Variants in GRM8 observed in about 807,000 individuals in gnomAD.
GRM8 encodes the protein metabotropic glutamate receptor 8.
GRM8 carries 47 observed loss-of-function variants against 87.2 expected under a neutral mutation model. The observed-to-expected ratio is 0.54, with a 90% CI of 0.43 to 0.69. The LOEUF (loss-of-function observed/expected upper bound fraction) is 0.69. Among genes scored for constraint, GRM8 ranks in the 30% least tolerant of loss-of-function variants. The pLI, the probability that GRM8 is intolerant of heterozygous loss-of-function variation, is 0.00. For missense variants in GRM8, 1,019 were observed against 1,139.2 expected, an observed-to-expected ratio of 0.89 and a Z score of 1.52; for synonymous variants, 396 against 404.5, an observed-to-expected ratio of 0.98 and a Z score of 0.25.
rs938575283 is a variant in GRM8, at chr7:127,009,073, GT to G, written c.727+97422del. ...AGTGACAGGGGAAACCAATGATCCA[GT>G]TTTTTTTTTTTCCATCCCTGCACAA... On this transcript the variant is annotated intron_variant, in intron 3 of 10. Transcript: ENST00000339582. Among the ~76,000 whole-genome samples the G allele has an allele frequency of 7.1e-3, 1,027 of 145,490 alleles. 8 individuals carry two copies. Among genetic ancestry groups the G allele is most frequent in the African/African-American group, 0.022 (882 of 40,002 alleles).
At chr7:126,439,947 AT>A (rs972908340) in intron 10 of GRM8, among the ~76,000 whole-genome samples, 3 of 152,004 alleles carry the variant, frequency 2.0e-5, no homozygotes, top group African/African-American at 7.2e-5. Flanking sequence ...TAAAGAAAAT[AT>A]TTTTTATAGC....
chr7:126,601,448 G>T (rs1043349746), intron 8 of GRM8, among the ~76,000 whole-genome samples: 3 of 152,150 alleles, frequency 2.0e-5, no homozygotes, highest in Non-Finnish European at 4.4e-5. Flanking sequence ...TATATACCCA[G>T]TAATGGGATG....
chr7:126,741,805 A>T (rs1815037731), intron 7 of GRM8, among the ~76,000 whole-genome samples: 1 of 152,144 alleles, frequency 6.6e-6, no homozygotes, highest in South Asian at 2.1e-4. Flanking sequence ...GTACAGCATG[A>T]TGTTTAAGAG....
intron 6 of GRM8, among the ~76,000 whole-genome samples, chr7:126,841,625 GATT>G (rs1393579824): frequency 6.6e-6 from 1 of 151,370 alleles, no homozygotes; most frequent in Non-Finnish European, 1.5e-5. Context: ...TTATTTATTG[GATT>G]ATTATTTTTT....
intron 3 of GRM8, among the ~76,000 whole-genome samples, chr7:126,908,066 T>C (rs558505184): frequency 3.9e-5 from 6 of 152,150 alleles, no homozygotes; most frequent in Non-Finnish European, 7.3e-5. Context: ...TGATTTTGAT[T>C]GGAAGCAGGT....
intron 2 of GRM8, among the ~76,000 whole-genome samples, chr7:127,234,147 G>A (rs1797851025): frequency 6.6e-6 from 1 of 152,208 alleles, no homozygotes; most frequent in Non-Finnish European, 1.5e-5. Flanking sequence ...ATGGAAATCA[G>A]GAGGTAGCTG....
At chr7:126,737,459 A>G (rs1432663480) in intron 7 of GRM8, among the ~76,000 whole-genome samples, 1 of 151,888 alleles carries the variant, frequency 6.6e-6, no homozygotes, top group Admixed American at 6.6e-5. Context: ...GGTGGTAATA[A>G]AACTCCAGTC....
chr7:126,912,243 G>T (rs117331768), intron 3 of GRM8, among the ~76,000 whole-genome samples: 1,683 of 152,020 alleles, frequency 0.011, 16 homozygotes, highest in East Asian at 0.042. Flanking sequence ...ATAGAGAAAA[G>T]ATTAGCACTT....
At chr7:126,699,334 C>T (rs775363186) in intron 7 of GRM8, among the ~76,000 whole-genome samples, 5 of 152,094 alleles carry the variant, frequency 3.3e-5, no homozygotes, top group Admixed American at 6.6e-5. Context: ...GAAGTGAATT[C>T]GACAAAAATA....
At chr7:127,022,494 G>A (rs1816374898) in intron 3 of GRM8, among the ~76,000 whole-genome samples, 1 of 152,108 alleles carries the variant, frequency 6.6e-6, no homozygotes, top group South Asian at 2.1e-4. Flanking sequence ...CCTGACAGGG[G>A]AAGAGAGATG....
intron 6 of GRM8, among the ~76,000 whole-genome samples, chr7:126,792,953 C>T (rs1310133451): frequency 6.6e-6 from 1 of 152,136 alleles, no homozygotes; most frequent in Non-Finnish European, 1.5e-5. Context: ...TACTGAAGTC[C>T]ACTGTAAAGA....
chr7:126,879,136 C>A (rs1469457222), intron 6 of GRM8, among the ~76,000 whole-genome samples: 1 of 127,492 alleles, frequency 7.8e-6, no homozygotes, highest in East Asian at 2.6e-4. Context: ...GCACTCCAGC[C>A]TGGGCCACAG....
intron 3 of GRM8, among the ~76,000 whole-genome samples, chr7:126,937,809 A>T (rs536502400): frequency 6.6e-6 from 1 of 152,306 alleles, no homozygotes; most frequent in African/African-American, 2.4e-5. Flanking sequence ...CCACCCTGAT[A>T]GAGAGGCCTA....
chr7:127,113,072 A>G (rs1587057019), intron 2 of GRM8, among the ~76,000 whole-genome samples: 1 of 152,320 alleles, frequency 6.6e-6, no homozygotes, highest in East Asian at 1.9e-4. Flanking sequence ...GATGAAATAA[A>G]GGGTCTCTGA....
At chr7:126,489,585 T>C (rs1479905694) in intron 9 of GRM8, among the ~76,000 whole-genome samples, 1 of 152,104 alleles carries the variant, frequency 6.6e-6, no homozygotes, top group Non-Finnish European at 1.5e-5. Flanking sequence ...TACAGATTTA[T>C]ACAGGATACC....
intron 8 of GRM8, among the ~76,000 whole-genome samples, chr7:126,600,262 A>G (rs1797603649): frequency 6.6e-6 from 1 of 152,150 alleles, no homozygotes; most frequent in Non-Finnish European, 1.5e-5. Context: ...CTTGGACAAC[A>G]TGGGTTTGGA....
At chr7:126,961,720 G>A (rs1471118814) in intron 3 of GRM8, among the ~76,000 whole-genome samples, 1 of 151,782 alleles carries the variant, frequency 6.6e-6, no homozygotes, top group Non-Finnish European at 1.5e-5. Context: ...GGAGCCTGAA[G>A]GAAAGCACTT....
chr7:126,557,877 A>G (rs1373083763), intron 8 of GRM8, among the ~76,000 whole-genome samples: 1 of 152,198 alleles, frequency 6.6e-6, no homozygotes, highest in African/African-American at 2.4e-5. Context: ...GGTGAATACC[A>G]AAAAGTAATA....
chr7:126,972,531 T>C (rs1197554273), intron 3 of GRM8, among the ~76,000 whole-genome samples: 2 of 152,186 alleles, frequency 1.3e-5, no homozygotes, highest in African/African-American at 4.8e-5. Context: ...AGGTTCTTTA[T>C]TTTTTCAACT....
Sources: gnomAD v4.1 joint callset for allele counts (sites outside exome capture counted in the v4.1 genomes callset) on GRCh38, gnomAD v4.1.1 for gene constraint, MANE v1.5 for transcripts, NCBI Gene and HGNC (gene_info 2026-07-23, HGNC 2026-07-21) for gene names.